The following SPECC1 variants were observed in gnomAD, a reference collection of about 807,000 sequenced individuals.
The protein encoded by SPECC1 is cytospin-B.
Under a neutral mutation model 104.1 loss-of-function variants are expected in SPECC1, and 62 were observed. The observed-to-expected ratio is 0.60, with a 90% confidence interval of 0.49 to 0.74. The LOEUF is 0.74. Among genes scored for constraint, SPECC1 ranks in the 30% least tolerant of loss-of-function variants. SPECC1 has a pLI of 0.00. For missense variants in SPECC1, 1,306 were observed against 1,310.5 expected (o/e 1.00, Z 0.05); for synonymous variants, 513 against 501.6 (o/e 1.02, Z -0.30).
chr17:20,246,148 A>G (rs1177833258), intron 8 of SPECC1, 77 bp downstream of exon 8: 2 of 1,540,364 alleles, frequency 1.3e-6, no homozygotes, highest in Non-Finnish European at 1.8e-6. Flanking sequence ...TACTATCTCT[A>G]CTCCACCCTG....
intron 3 of SPECC1, among the ~76,000 whole-genome samples, chr17:20,126,126 C>T (rs2049292077): frequency 6.6e-6 from 1 of 152,118 alleles, no homozygotes; most frequent in Non-Finnish European, 1.5e-5. Context: ...CTGGCTGTCT[C>T]TCCAGTTCTC....
chr17:20,248,761 A>AT (rs1390574348), intron 9 of SPECC1, among the ~76,000 whole-genome samples: 1 of 151,906 alleles, frequency 6.6e-6, no homozygotes, highest in African/African-American at 2.4e-5. Flanking sequence ...GCTTTTTAAC[A>AT]TTTTTTCATA....
chr17:20,309,355 T>C (rs887423480), intron 14 of SPECC1, among the ~76,000 whole-genome samples: 2 of 152,234 alleles, frequency 1.3e-5, no homozygotes, highest in African/African-American at 4.8e-5. Context: ...CAAGTAAATA[T>C]AAGTTTCTGG....
chr17:20,115,470 CAAATAAAT>C (rs535781420), intron 3 of SPECC1, among the ~76,000 whole-genome samples: 13 of 151,164 alleles, frequency 8.6e-5, no homozygotes, highest in African/African-American at 2.2e-4. Context: ...AAGACTGTCT[CAAATAAAT>C]AAATAAATAA....
Position 20,205,444 on chromosome 17 carries a change from A to T in SPECC1, c.1395A>T (p.Glu465Asp), listed in dbSNP as rs373118096. ...EPTTQEGKII[E>D]LEQKCTGILE... ...CCACTCAGGAAGGAAAAATTATTGA[A>T]CTGGAGCAGAAGTGCACAGGTATTC... The change falls in exon 4 of 15, where the codon GAA becomes GAT. Residue 465 changes from glutamate (E) to aspartate (D), a missense_variant. Around this residue, in one of 2 missense-constraint regions of SPECC1, gnomAD observed 1,177 missense variants for 1,139.9 expected, o/e 1.03. Coordinates refer to ENST00000395527, the MANE Select transcript of SPECC1 (RefSeq NM_001243439.2). 1.2e-6 allele frequency: 2 copies of T among 1,614,002 alleles called. No homozygotes were observed. The highest frequency in any genetic ancestry group is 2.7e-5 in the African/African-American group (2 of 74,934).
In SPECC1 at chr17:20,316,546, T is replaced by TAC. The variant is rs1330195746; in HGVS notation, c.*2481_*2482insAC. 2 of 185,244 alleles carry TAC rather than the reference T, an allele frequency of 1.1e-5. No homozygotes were observed. Among genetic ancestry groups the TAC allele is most frequent in the Non-Finnish European group, 2.3e-5 (2 of 87,552 alleles). The allele number at this position is 185,244 out of a possible 1,614,324, so 11.5% of individuals were successfully genotyped here. On this transcript the variant is annotated 3_prime_UTR_variant, in exon 15 of 15. Coordinates refer to ENST00000395527, the MANE Select transcript of SPECC1 (RefSeq NM_001243439.2). Reference sequence around the variant, plus strand: ...CACACCCAGCTAATGTTTTTGTATTTTTAGTAAAGAGGGGGTTTCACCATG... The same window carrying TAC: ...CACACCCAGCTAATGTTTTTGTATTTACTTAGTAAAGAGGGGGTTTCACCATG...
chr17:20,196,016 A>G (rs2036009716), intron 3 of SPECC1, among the ~76,000 whole-genome samples: 1 of 152,214 alleles, frequency 6.6e-6, no homozygotes, highest in Non-Finnish European at 1.5e-5. Context: ...GAAAAACTGA[A>G]TAATACCCCT....
chr17:20,285,830 T>TC (rs2040926079), intron 12 of SPECC1, among the ~76,000 whole-genome samples: 1 of 151,298 alleles, frequency 6.6e-6, no homozygotes, highest in African/African-American at 2.4e-5. Flanking sequence ...TTTTTTTTTT[T>TC]TTGATAGGGT....
chr17:20,016,538 C>T (rs1036628850), intron 1 of SPECC1, among the ~76,000 whole-genome samples: 2 of 152,172 alleles, frequency 1.3e-5, no homozygotes, highest in Non-Finnish European at 1.5e-5. Context: ...TGGGCGTGGG[C>T]TTGGCGGGCC....
chr17:20,063,509 A>G (rs1383002296), intron 1 of SPECC1, among the ~76,000 whole-genome samples: 1 of 152,216 alleles, frequency 6.6e-6, no homozygotes, highest in African/African-American at 2.4e-5. Context: ...GTCATTTAAA[A>G]AATGTTTTCT....
chr17:20,315,806 G>A lies in SPECC1; in HGVS notation c.*1741G>A, dbSNP rs1992561. The A allele has an allele frequency of 0.42, 97,192 of 232,234 alleles. 21,951 individuals carry two copies. The highest frequency in any genetic ancestry group is 0.75 in the East Asian group (12,414 of 16,464). The allele number at this position is 232,234 out of a possible 1,614,324, so 14.4% of individuals were successfully genotyped here. A position where few individuals can be genotyped will look rare whatever the true frequency, so the allele number is the denominator to read the frequency against. On this transcript the variant is annotated 3_prime_UTR_variant, in exon 15 of 15. Transcript: ENST00000395527. ...CAAGCCACCTTGAGACAAGAACTCC[G>A]CCCCCCTGTTAGTGCATCCCAGCTG...
At chr17:20,117,302 A>G (rs1281728942) in intron 3 of SPECC1, among the ~76,000 whole-genome samples, 2 of 152,222 alleles carry the variant, frequency 1.3e-5, no homozygotes, top group South Asian at 2.1e-4. Context: ...AAGAGAAAGC[A>G]TCAGAGAATT....
rs1370989721 is a variant in SPECC1, at chr17:20,204,474, CT to C, written c.426del (p.Pro143LeufsTer5). On this transcript the variant is annotated frameshift_variant, in exon 4 of 15. Coordinates refer to ENST00000395527, the MANE Select transcript of SPECC1 (RefSeq NM_001243439.2). LOFTEE classifies it high-confidence loss of function. ...AGTCCAACTTCTTCCAACACTCCCA[CT>C]CCTACGAAACACCTGAGGACCCCTT... ...VSSPTSSNTP[T>X]PTKHLRTPST... 6.2e-7 allele frequency: 1 copy of C among 1,614,116 alleles called. No individual in the cohort carries two copies.
intron 9 of SPECC1, among the ~76,000 whole-genome samples, chr17:20,249,490 A>G (rs2039543936): frequency 2.6e-5 from 4 of 152,194 alleles, no homozygotes; most frequent in African/African-American, 9.6e-5. Context: ...GCCAAGAGAA[A>G]AAATAGACAA....
At chr17:20,228,157 G>C (rs773553779) in intron 5 of SPECC1, among the ~76,000 whole-genome samples, 4 of 152,182 alleles carry the variant, frequency 2.6e-5, no homozygotes, top group Non-Finnish European at 4.4e-5. Context: ...TTGAACATGA[G>C]TCAGCAGTGT....
intron 3 of SPECC1, among the ~76,000 whole-genome samples, chr17:20,122,816 TC>T (rs2049103412): frequency 6.6e-6 from 1 of 152,206 alleles, no homozygotes; most frequent in Non-Finnish European, 1.5e-5. Context: ...AGAATTTCCT[TC>T]GTTTTTGAGG....
intron 3 of SPECC1, among the ~76,000 whole-genome samples, chr17:20,119,980 C>G (rs182977560): frequency 6.6e-6 from 1 of 152,270 alleles, no homozygotes; most frequent in East Asian, 1.9e-4. Context: ...AGATGCTGAA[C>G]TGGTAAGTAT....
intron 2 of SPECC1, 48 bp downstream of exon 2, chr17:20,096,846 G>A: frequency 6.3e-7 from 1 of 1,576,312 alleles, no homozygotes. Context: ...GGATACCCTG[G>A]GTTGGGAGGA....
chr17:20,167,774 T>A (rs1012545025), intron 3 of SPECC1, among the ~76,000 whole-genome samples: 6 of 152,234 alleles, frequency 3.9e-5, no homozygotes, highest in Admixed American at 6.5e-5. Context: ...ATTTCTGTGC[T>A]ATTTAAAGTT....
Sources: allele counts gnomAD v4.1 joint callset (sites outside exome capture counted in the v4.1 genomes callset), GRCh38; gene constraint gnomAD v4.1.1; regional missense constraint gnomAD v4.1.1; transcripts MANE v1.5; gene names NCBI Gene and HGNC (gene_info 2026-07-23, HGNC 2026-07-21).